CHCHD6: variants seen among roughly 807,000 people sequenced by gnomAD.
CHCHD6 encodes the protein MICOS complex subunit MIC25.
Under a neutral mutation model 32.3 loss-of-function variants are expected in CHCHD6, and 28 were observed. That is an observed-to-expected ratio of 0.87 (90% CI 0.64 to 1.19). CHCHD6 has a LOEUF of 1.19. CHCHD6 is among the 50% of genes most tolerant of loss of function. CHCHD6 has a pLI of 0.00. For synonymous variants in CHCHD6, 122 were observed against 117.5 expected, an observed-to-expected ratio of 1.04 and a Z score of -0.25; for missense variants, 333 against 307.0, an observed-to-expected ratio of 1.08 and a Z score of -0.63.
Position 126,960,315 on chromosome 3 carries a change from CCT to C in CHCHD6, c.*115_*116del. On this transcript the variant is annotated 3_prime_UTR_variant, in exon 8 of 8. Transcript: ENST00000290913. Reference sequence around the variant, plus strand: ...TTCCTGCTGGGCCCCTGCATATGCCCCTGAGCCTGGGGCTGCCACGTGTTTAG... The same window carrying C: ...TTCCTGCTGGGCCCCTGCATATGCCCGAGCCTGGGGCTGCCACGTGTTTAG... 1 of 1,290,448 alleles carries C rather than the reference CCT, an allele frequency of 7.7e-7. No individual in the cohort carries two copies. The highest frequency in any genetic ancestry group is 1.3e-5 in the South Asian group (1 of 78,742). 79.9% of individuals were successfully genotyped at this position (1,290,448 alleles called of 1,614,324 possible).
intron 6 of CHCHD6, chr3:126,949,740 T>G (rs539735462): frequency 1.0e-5 from 2 of 190,838 alleles, no homozygotes; most frequent in African/African-American, 4.8e-5. Flanking sequence ...GAGGCTTGCT[T>G]GGATAGAAGG....
intron 4 of CHCHD6, among the ~76,000 whole-genome samples, chr3:126,849,667 G>A (rs146758164): frequency 1.8e-4 from 28 of 152,224 alleles, no homozygotes; most frequent in Non-Finnish European, 2.9e-4. Context: ...ATAGCAACCC[G>A]CTAACCCTAC....
chr3:126,852,019 G>A (rs2107551985), intron 4 of CHCHD6, among the ~76,000 whole-genome samples: 1 of 152,280 alleles, frequency 6.6e-6, no homozygotes, highest in South Asian at 2.1e-4. Context: ...GCTCCAACAG[G>A]GACTCAACCA....
At chr3:126,778,460 G>T (rs962588919) in intron 4 of CHCHD6, among the ~76,000 whole-genome samples, 2 of 152,208 alleles carry the variant, frequency 1.3e-5, no homozygotes, top group African/African-American at 4.8e-5. Context: ...AGGCATCCTA[G>T]TGGATGTGAT....
intron 4 of CHCHD6, among the ~76,000 whole-genome samples, chr3:126,822,678 T>C (rs1940201516): frequency 6.6e-6 from 1 of 152,164 alleles, no homozygotes; most frequent in African/African-American, 2.4e-5. Context: ...TTTAGGTCTC[T>C]GATCACTGTG....
At chr3:126,953,611 G>A (rs922894602) in intron 6 of CHCHD6, among the ~76,000 whole-genome samples, 5 of 152,208 alleles carry the variant, frequency 3.3e-5, no homozygotes, top group African/African-American at 4.8e-5. Context: ...TGGGGCAAGC[G>A]GTGTTACTGT....
intron 7 of CHCHD6, among the ~76,000 whole-genome samples, chr3:126,959,678 T>G (rs2078832595): frequency 6.6e-6 from 1 of 152,190 alleles, no homozygotes; most frequent in Non-Finnish European, 1.5e-5. Flanking sequence ...GCCCAGAGCC[T>G]GGCACCTGCC....
At chr3:126,782,915 G>C (rs957312116) in intron 4 of CHCHD6, among the ~76,000 whole-genome samples, 1 of 152,108 alleles carries the variant, frequency 6.6e-6, no homozygotes, top group African/African-American at 2.4e-5. Context: ...TTTTGTATAT[G>C]GTGTAAGGTA....
chr3:126,709,071 A>G (rs1934634149), intron 1 of CHCHD6, among the ~76,000 whole-genome samples: 1 of 152,252 alleles, frequency 6.6e-6, no homozygotes, highest in African/African-American at 2.4e-5. Context: ...TACTTATAAT[A>G]CCCAAACACT....
chr3:126,803,763 T>C (rs1056069915), intron 4 of CHCHD6, among the ~76,000 whole-genome samples: 1 of 152,098 alleles, frequency 6.6e-6, no homozygotes, highest in South Asian at 2.1e-4. Flanking sequence ...AATATACATT[T>C]TTGTCAGCAC....
At chr3:126,921,062 G>A (rs536871223) in intron 6 of CHCHD6, among the ~76,000 whole-genome samples, 1 of 144,366 alleles carries the variant, frequency 6.9e-6, no homozygotes, top group African/African-American at 2.5e-5. Flanking sequence ...GGAATGACTA[G>A]AGTTTGCCAA....
chr3:126,854,517 A>G (rs1362398150), intron 5 of CHCHD6, among the ~76,000 whole-genome samples: 2 of 152,180 alleles, frequency 1.3e-5, no homozygotes, highest in African/African-American at 4.8e-5. Flanking sequence ...CTCCACGGAT[A>G]ATTTTATTCC....
chr3:126,791,336 A>G lies in CHCHD6; in HGVS notation c.411+58114A>G, dbSNP rs545302225. Among the ~76,000 whole-genome samples, 15 of 152,102 alleles carry G rather than the reference A, an allele frequency of 9.9e-5. No homozygotes were observed. In the South Asian group the frequency reaches 3.1e-3, roughly 32 times the overall value. On this transcript the variant is annotated intron_variant, in intron 4 of 7. Coordinates refer to ENST00000290913, the MANE Select transcript of CHCHD6 (RefSeq NM_032343.3). The stretch of plus-strand genomic sequence containing the variant: ...CAGACTCCGTGCTGGGAGAACCACT[A>G]CTCTCTTCAAAGCTGTCAGACAGGG...
intron 1 of CHCHD6, among the ~76,000 whole-genome samples, chr3:126,715,167 A>T (rs576642130): frequency 2.0e-5 from 3 of 152,144 alleles, no homozygotes; most frequent in South Asian, 4.2e-4. Context: ...CTTCCCTTCT[A>T]TGAAAAGGGT....
chr3:126,739,513 G>A (rs1266872935), intron 4 of CHCHD6, among the ~76,000 whole-genome samples: 1 of 152,184 alleles, frequency 6.6e-6, no homozygotes, highest in Non-Finnish European at 1.5e-5. Context: ...TGAGTACCCA[G>A]GTGTCTCAAG....
In CHCHD6 at chr3:126,941,562, T is replaced by G. The variant is rs147674085; in HGVS notation, c.567-15854T>G. ...AGAAAATCTAGATAGACTCTTTTTTTGGGGGATAAGTGCGTCCTTTTGAGT... is the reference window on the plus strand; with the variant it reads ...AGAAAATCTAGATAGACTCTTTTTTGGGGGGATAAGTGCGTCCTTTTGAGT... On this transcript the variant is annotated intron_variant, in intron 6 of 7. Coordinates refer to ENST00000290913, the MANE Select transcript of CHCHD6 (RefSeq NM_032343.3). Among the ~76,000 whole-genome samples, 1,512 of 152,302 alleles carry G rather than the reference T, an allele frequency of 9.9e-3. 27 individuals carry two copies. Among genetic ancestry groups the G allele is most frequent in the African/African-American group, 0.034 (1,415 of 41,538 alleles).
At chr3:126,822,962 G>A (rs919521035) in intron 4 of CHCHD6, among the ~76,000 whole-genome samples, 5 of 152,058 alleles carry the variant, frequency 3.3e-5, no homozygotes, top group Non-Finnish European at 7.4e-5. Context: ...CTGGAGTGCG[G>A]TGGCATGACT....
chr3:126,824,603 T>C (rs547457498), intron 4 of CHCHD6, among the ~76,000 whole-genome samples: 5 of 141,120 alleles, frequency 3.5e-5, no homozygotes, highest in Non-Finnish European at 7.6e-5. Flanking sequence ...GTTTTATTTT[T>C]GAGACGGACC....
Position 126,822,158 on chromosome 3 carries a change from A to G in CHCHD6, c.412-30489A>G, listed in dbSNP as rs568165954. ...CATTGCCCAGTTTAAGGTCATGAAG[A>G]GGGATTCCTGTGTTTTATAAAGCTT... is the stretch of plus-strand genomic sequence containing the variant. On this transcript the variant is annotated intron_variant, in intron 4 of 7. Transcript: ENST00000290913. Among the ~76,000 whole-genome samples, 3 of 152,330 alleles carry G rather than the reference A, an allele frequency of 2.0e-5. No homozygotes were observed. In the South Asian group the frequency reaches 6.2e-4, roughly 32 times the overall value.
Sources: gnomAD v4.1 joint callset for allele counts (sites outside exome capture counted in the v4.1 genomes callset) on GRCh38, gnomAD v4.1.1 for gene constraint, MANE v1.5 for transcripts, NCBI Gene and HGNC (gene_info 2026-07-23, HGNC 2026-07-21) for gene names.